SDC3: variants seen among roughly 807,000 people sequenced by gnomAD.
The protein encoded by SDC3 is syndecan-3.
Under a neutral mutation model 24.4 loss-of-function variants are expected in SDC3, and 13 were observed. That is an observed-to-expected ratio of 0.53 (90% CI 0.35 to 0.85). The LOEUF (loss-of-function observed/expected upper bound fraction) is 0.85. Among genes scored for constraint, SDC3 ranks in the 40% least tolerant of loss-of-function variants. SDC3 has a pLI of 0.01. For missense variants in SDC3, 571 were observed against 584.5 expected (o/e 0.98, Z 0.24); for synonymous variants, 295 against 260.9 (o/e 1.13, Z -1.26).
At chr1:30,893,094 C>T (rs1031768329) in intron 1 of SDC3, among the ~76,000 whole-genome samples, 1 of 152,152 alleles carries the variant, frequency 6.6e-6, no homozygotes, top group Non-Finnish European at 1.5e-5. Flanking sequence ...TTAGACACAA[C>T]ACGGGACACA....
upstream of SDC3, among the ~76,000 whole-genome samples, chr1:30,909,434 A>C (rs1025666102): frequency 6.6e-6 from 1 of 152,150 alleles, no homozygotes; most frequent in African/African-American, 2.4e-5. Context: ...CAAGGCCCCC[A>C]GTTCTCTGAG....
At position 30,899,329 on chromosome 1, in the gene SDC3, C is replaced by T. The variant is rs538473847; in HGVS notation, c.138+9120G>A. Among the ~76,000 whole-genome samples the T allele has an allele frequency of 2.6e-5, 4 of 152,352 alleles. No individual in the cohort carries two copies. The South Asian group carries it at 6.2e-4, about 24-fold the overall frequency. ...CTCGAACTCCTGACCTTGTGATCTGCTCGCCTCGGCCTCCCAAAGTGTTGG... is the reference window on the plus strand; with the variant it reads ...CTCGAACTCCTGACCTTGTGATCTGTTCGCCTCGGCCTCCCAAAGTGTTGG... On this transcript the variant is annotated intron_variant, in intron 1 of 4. Transcript: ENST00000339394.
chr1:30,885,775 G>A (rs891899873), intron 1 of SDC3, among the ~76,000 whole-genome samples: 8 of 152,156 alleles, frequency 5.3e-5, no homozygotes, highest in Admixed American at 1.3e-4. Flanking sequence ...CCACCCGCCC[G>A]CCTTCTCCCA....
chr1:30,898,289 A>G (rs1179622064), intron 1 of SDC3, among the ~76,000 whole-genome samples: 1 of 151,998 alleles, frequency 6.6e-6, no homozygotes, highest in African/African-American at 2.4e-5. Flanking sequence ...CCCCCTATCA[A>G]TGTGCTGCCA....
At chr1:30,889,723 G>A (rs1639878978) in intron 1 of SDC3, among the ~76,000 whole-genome samples, 1 of 152,184 alleles carries the variant, frequency 6.6e-6, no homozygotes, top group Non-Finnish European at 1.5e-5. Context: ...AGGACGTGGG[G>A]AAATCGGAAC....
At chr1:30,875,825 C>T (rs1042249074) in intron 3 of SDC3, among the ~76,000 whole-genome samples, 2 of 152,182 alleles carry the variant, frequency 1.3e-5, no homozygotes, top group African/African-American at 2.4e-5. Flanking sequence ...AGTGGCTTCA[C>T]CTCCCTGTGC....
intron 1 of SDC3, among the ~76,000 whole-genome samples, chr1:30,892,770 A>G (rs1639925386): frequency 6.6e-6 from 1 of 152,162 alleles, no homozygotes; most frequent in Non-Finnish European, 1.5e-5. Flanking sequence ...CTGTAGCACC[A>G]TGGTCACCCT....
intron 1 of SDC3, among the ~76,000 whole-genome samples, chr1:30,899,488 C>T (rs1638362837): frequency 6.6e-6 from 1 of 152,224 alleles, no homozygotes; most frequent in African/African-American, 2.4e-5. Flanking sequence ...AATTCTCTGC[C>T]TCAGCCACCC....
At chr1:30,873,649 C>T (rs1639581219) in intron 4 of SDC3, among the ~76,000 whole-genome samples, 1 of 152,068 alleles carries the variant, frequency 6.6e-6, no homozygotes, top group Admixed American at 6.5e-5. Context: ...ATTTAAAATG[C>T]CACCACTCAT....
At chr1:30,900,805 G>C (rs976210203) in intron 1 of SDC3, among the ~76,000 whole-genome samples, 1 of 152,152 alleles carries the variant, frequency 6.6e-6, no homozygotes, top group Non-Finnish European at 1.5e-5. Context: ...CTGGCAGGCA[G>C]GGATGGGGGA....
rs1176247794 is a variant in SDC3 at position 30,872,533 on chromosome 1, C to T, written c.*678G>A. The T allele has an allele frequency of 6.6e-6, 1 of 152,560 alleles. No homozygotes were observed. The highest frequency in any genetic ancestry group is 2.4e-5 in the African/African-American group (1 of 41,412). The allele number at this position is 152,560 out of a possible 1,614,324, so 9.5% of individuals were successfully genotyped here. On this transcript the variant is annotated 3_prime_UTR_variant, in exon 5 of 5. Coordinates refer to ENST00000339394, the MANE Select transcript of SDC3 (RefSeq NM_014654.4). ...CAGAGTCCCCTCATAGGAGGGACATCAGAGCAGCCCCTCCTCACCAGTGGC... is the reference window on the plus strand; with the variant it reads ...CAGAGTCCCCTCATAGGAGGGACATTAGAGCAGCCCCTCCTCACCAGTGGC...
intron 1 of SDC3, among the ~76,000 whole-genome samples, chr1:30,882,728 G>T (rs1639764586): frequency 6.6e-6 from 1 of 152,126 alleles, no homozygotes; most frequent in Non-Finnish European, 1.5e-5. Context: ...CTCTCTCAGA[G>T]CCCACTCCAG....
intron 1 of SDC3, among the ~76,000 whole-genome samples, chr1:30,896,696 G>A (rs556713280): frequency 6.6e-6 from 1 of 152,252 alleles, no homozygotes; most frequent in East Asian, 1.9e-4. Flanking sequence ...CTTACATTTG[G>A]GAGCATTTTG....
chr1:30,872,999 T>C lies in SDC3; in HGVS notation c.*212A>G. 2 of 565,720 alleles carry C rather than the reference T, an allele frequency of 3.5e-6. No homozygotes were observed. Among genetic ancestry groups the C allele is most frequent in the South Asian group, 4.6e-5 (2 of 43,308 alleles). The allele number at this position is 565,720 out of a possible 1,614,324, so 35.0% of individuals were successfully genotyped here. ...GGGATGAGGGGAACAAGAGATGAGC[T>C]CGTAAGGGCACAGTCTGGGGCAGAT... On this transcript the variant is annotated 3_prime_UTR_variant, in exon 5 of 5. Transcript: ENST00000339394.
chr1:30,878,563 T>C (rs1161903079), intron 2 of SDC3, 60 bp downstream of exon 2: 1 of 1,419,662 alleles, frequency 7.0e-7, no homozygotes, highest in Admixed American at 1.7e-5. Context: ...CTTCTCAGAG[T>C]TGAGGCTGGA....
At position 30,889,017 on chromosome 1, in the gene SDC3, G is replaced by A. The variant is rs80069414; in HGVS notation, c.139-10277C>T. Among the ~76,000 whole-genome samples the A allele has an allele frequency of 6.6e-3, 1,009 of 152,328 alleles. 9 individuals are homozygous for A. Among genetic ancestry groups the A allele is most frequent in the African/African-American group, 0.023 (952 of 41,562 alleles). On this transcript the variant is annotated intron_variant, in intron 1 of 4. Transcript: ENST00000339394. Reference sequence around the variant, plus strand: ...GGGGTGAGAAAGGGAGGGAAGGAGGGAGCAGACATGTCCAAGCCCTCACCC... The same window carrying A: ...GGGGTGAGAAAGGGAGGGAAGGAGGAAGCAGACATGTCCAAGCCCTCACCC...
At chr1:30,885,735 C>T (rs1050781091) in intron 1 of SDC3, among the ~76,000 whole-genome samples, 4 of 152,214 alleles carry the variant, frequency 2.6e-5, no homozygotes, top group East Asian at 1.9e-4. Flanking sequence ...GCCTGTCTGG[C>T]GGCCACCTTG....
chr1:30,908,603 C>T lies in SDC3; in HGVS notation c.-17G>A, dbSNP rs866102372. 67 of 907,056 alleles carry T rather than the reference C, an allele frequency of 7.4e-5. No individual in the cohort carries two copies. The African/African-American group carries it at 1.2e-3, about 17-fold the overall frequency. The allele number at this position is 907,056 out of a possible 1,614,324, so 56.2% of individuals were successfully genotyped here. A position where few individuals can be genotyped will look rare whatever the true frequency, so the allele number is the denominator to read the frequency against. On this transcript the variant is annotated 5_prime_UTR_variant, in exon 1 of 5. Transcript: ENST00000339394. ...CGGCTTCATGGCGGCGGCGCGGGCG[C>T]GGGCGGCGGGCGGCGGGCGGGCGCC...
chr1:30,908,257 A>AG lies in SDC3; in HGVS notation c.138+191dup, dbSNP rs560140355. On this transcript the variant is annotated intron_variant, in intron 1 of 4. Transcript: ENST00000339394. ...GATGCCAGCTAGGGGGAGATTCCGG[A>AG]GGGGGGGGAGCAGGGTGCAGAAAGG... Among the ~76,000 whole-genome samples, 376 of 44,632 alleles carry AG rather than the reference A, an allele frequency of 8.4e-3. 4 individuals carry two copies. Among genetic ancestry groups the AG allele is most frequent in the South Asian group, 0.014 (18 of 1,244 alleles). The allele number at this position is 44,632 out of a possible 152,430, so 29.3% of individuals were successfully genotyped here. A position where few individuals can be genotyped will look rare whatever the true frequency, so the allele number is the denominator to read the frequency against.
Sources: allele counts gnomAD v4.1 joint callset (sites outside exome capture counted in the v4.1 genomes callset), GRCh38; gene constraint gnomAD v4.1.1; transcripts MANE v1.5; gene names NCBI Gene and HGNC (gene_info 2026-07-23, HGNC 2026-07-21).